GRID1: variants seen among roughly 807,000 people sequenced by gnomAD.
GRID1 encodes the protein glutamate ionotropic receptor delta type subunit 1.
GRID1 carries 28 observed loss-of-function variants against 98.0 expected under a neutral mutation model. That is an observed-to-expected ratio of 0.29 (90% confidence interval 0.21 to 0.39). The LOEUF is 0.39. Among genes scored for constraint, GRID1 ranks in the 10% least tolerant of loss-of-function variants. GRID1 has a pLI of 1.00. For missense variants in GRID1, 1,111 were observed against 1,340.5 expected (o/e 0.83, Z 2.67); for synonymous variants, 553 against 538.5 (o/e 1.03, Z -0.37).
intron 4 of GRID1, among the ~76,000 whole-genome samples, chr10:85,967,805 T>C (rs1842356457): frequency 6.6e-6 from 1 of 152,140 alleles, no homozygotes; most frequent in African/African-American, 2.4e-5. Context: ...TGATGAGGAA[T>C]AAGATTGTCA....
intron 2 of GRID1, among the ~76,000 whole-genome samples, chr10:86,339,265 G>A (rs941513185): frequency 6.6e-6 from 1 of 152,254 alleles, no homozygotes; most frequent in Non-Finnish European, 1.5e-5. Flanking sequence ...GAGCTGCAAG[G>A]GAAGGCAGGG....
chr10:86,346,011 C>T (rs1468264458), intron 2 of GRID1, among the ~76,000 whole-genome samples: 2 of 152,230 alleles, frequency 1.3e-5, no homozygotes, highest in Non-Finnish European at 2.9e-5. Flanking sequence ...CCCTGGTTAA[C>T]CCCAAGCCCA....
At chr10:85,979,241 C>T (rs1842512552) in intron 4 of GRID1, among the ~76,000 whole-genome samples, 1 of 152,108 alleles carries the variant, frequency 6.6e-6, no homozygotes, top group South Asian at 2.1e-4. Flanking sequence ...AGAGGTCTGA[C>T]CACCACCTAC....
chr10:86,006,609 G>A (rs1018097707), intron 4 of GRID1, among the ~76,000 whole-genome samples: 5 of 151,162 alleles, frequency 3.3e-5, no homozygotes, highest in African/African-American at 1.2e-4. Context: ...AGAGCGAGAC[G>A]CCGTCTAAAA....
chr10:85,724,274 G>A, intron 11 of GRID1, 78 bp downstream of exon 11: 2 of 1,106,298 alleles, frequency 1.8e-6, no homozygotes, highest in Non-Finnish European at 2.6e-6. Flanking sequence ...TTGGTAAAAT[G>A]CACCTGAGAA....
intron 8 of GRID1, among the ~76,000 whole-genome samples, chr10:85,774,199 A>T (rs1446931117): frequency 2.0e-5 from 3 of 152,178 alleles, no homozygotes; most frequent in African/African-American, 7.2e-5. Flanking sequence ...ATCTTTGACA[A>T]ACCTGAGAAA....
chr10:86,207,186 A>T (rs1846038250), intron 2 of GRID1, among the ~76,000 whole-genome samples: 1 of 152,182 alleles, frequency 6.6e-6, no homozygotes, highest in Non-Finnish European at 1.5e-5. Flanking sequence ...ACCCAAGAGG[A>T]CCCAAGATGT....
chr10:85,785,628 T>C (rs1310719160), intron 8 of GRID1, among the ~76,000 whole-genome samples: 1 of 152,198 alleles, frequency 6.6e-6, no homozygotes, highest in Admixed American at 6.5e-5. Flanking sequence ...GGACAGGCAC[T>C]GACTTCCTTT....
intron 12 of GRID1, among the ~76,000 whole-genome samples, chr10:85,687,965 T>C (rs1841288670): frequency 6.6e-6 from 1 of 152,196 alleles, no homozygotes; most frequent in African/African-American, 2.4e-5. Flanking sequence ...GAGTTGGCTG[T>C]GATTGCTGGT....
At chr10:86,346,897 G>A (rs374822110) in intron 2 of GRID1, among the ~76,000 whole-genome samples, 26 of 152,166 alleles carry the variant, frequency 1.7e-4, no homozygotes, top group African/African-American at 4.1e-4. Context: ...GAGGCCTCCC[G>A]GCTGGGGAAG....
chr10:86,259,450 T>C (rs2132054061), intron 2 of GRID1, among the ~76,000 whole-genome samples: 1 of 152,364 alleles, frequency 6.6e-6, no homozygotes, highest in African/African-American at 2.4e-5. Context: ...CTCTGAATTA[T>C]TAAAGAATAT....
chr10:85,772,120 G>C (rs1435406742), intron 8 of GRID1, among the ~76,000 whole-genome samples: 1 of 152,080 alleles, frequency 6.6e-6, no homozygotes, highest in Non-Finnish European at 1.5e-5. Flanking sequence ...ATAACAAACT[G>C]TCTCTCAGAC....
chr10:85,688,126 G>C (rs1841290061), intron 12 of GRID1, among the ~76,000 whole-genome samples: 1 of 152,202 alleles, frequency 6.6e-6, no homozygotes, highest in Non-Finnish European at 1.5e-5. Context: ...GGATAGAAAA[G>C]TAAAACAACA....
intron 2 of GRID1, among the ~76,000 whole-genome samples, chr10:86,300,810 C>G (rs1449446078): frequency 6.6e-6 from 1 of 152,158 alleles, no homozygotes; most frequent in Non-Finnish European, 1.5e-5. Context: ...CAGCCAGCCA[C>G]TTCCCACTCC....
chr10:86,233,838 A>T (rs1376947133), intron 2 of GRID1, among the ~76,000 whole-genome samples: 2 of 151,740 alleles, frequency 1.3e-5, no homozygotes, highest in African/African-American at 4.8e-5. Flanking sequence ...TGGAAGGCTG[A>T]CTGCTGTGGA....
At chr10:85,642,252 C>T (rs888150968) in intron 13 of GRID1, among the ~76,000 whole-genome samples, 11 of 152,198 alleles carry the variant, frequency 7.2e-5, no homozygotes, top group Non-Finnish European at 1.3e-4. Context: ...TAAAAACAAG[C>T]TGTAGGTCAG....
intron 4 of GRID1, among the ~76,000 whole-genome samples, chr10:86,108,610 T>C (rs1403636632): frequency 6.6e-6 from 1 of 152,186 alleles, no homozygotes; most frequent in Non-Finnish European, 1.5e-5. Context: ...GATGGAGCAG[T>C]GCCAGCCCTC....
chr10:85,958,614 C>A (rs1842224464), intron 4 of GRID1, among the ~76,000 whole-genome samples: 1 of 152,152 alleles, frequency 6.6e-6, no homozygotes, highest in South Asian at 2.1e-4. Context: ...ATCACCCCCA[C>A]TAATGTAGGT....
At chr10:86,288,073 C>G (rs907900852) in intron 2 of GRID1, among the ~76,000 whole-genome samples, 1 of 152,172 alleles carries the variant, frequency 6.6e-6, no homozygotes, top group Non-Finnish European at 1.5e-5. Flanking sequence ...GAAAAGGCAG[C>G]AGGAAGATGC....
Sources: allele counts gnomAD v4.1 joint callset (sites outside exome capture counted in the v4.1 genomes callset), GRCh38; gene constraint gnomAD v4.1.1; transcripts MANE v1.5; gene names NCBI Gene and HGNC (gene_info 2026-07-23, HGNC 2026-07-21).